ATE1: variants seen among roughly 807,000 people sequenced by gnomAD.
ATE1 encodes the protein arginyltransferase 1.
A neutral mutation model predicts 70.5 loss-of-function variants in ATE1; 36 were observed. The ratio of observed to expected loss-of-function variants is 0.51; its 90% CI spans 0.39 to 0.67. The LOEUF (loss-of-function observed/expected upper bound fraction) is 0.67. ATE1 is among the 30% of genes least tolerant of loss of function. The probability of loss-of-function intolerance (pLI) is 0.00; values close to 1 mark genes in which losing one functional copy is unlikely to be tolerated. For missense variants in ATE1, 593 were observed against 629.5 expected (o/e 0.94, Z 0.62); for synonymous variants, 232 against 219.3 (o/e 1.06, Z -0.51).
chr10:121,870,002 T>C lies in ATE1; in HGVS notation c.975+4A>G. ...TAATATTAAGGTCAGTGAGTAACTC[T>C]TACCTCCAAGGGTGAACTGCAAAGG... On this transcript the variant is annotated splice_donor_region_variant and intron_variant, in intron 8 of 11. Coordinates refer to ENST00000224652, the MANE Select transcript of ATE1 (RefSeq NM_001001976.3). The C allele has an allele frequency of 1.2e-6, 2 of 1,606,854 alleles. No individual in the cohort carries two copies. Among genetic ancestry groups the C allele is most frequent in the Non-Finnish European group, 1.7e-6 (2 of 1,173,920 alleles).
chr10:121,927,803 G>C (rs899781892), intron 1 of ATE1, 41 bp downstream of exon 1: 11 of 1,525,634 alleles, frequency 7.2e-6, no homozygotes, highest in Non-Finnish European at 9.7e-6. Flanking sequence ...CCCGAGACCC[G>C]GGCGCCCGGC....
chr10:121,746,214 A>G (rs1424120181), intron 11 of ATE1, among the ~76,000 whole-genome samples: 1 of 152,136 alleles, frequency 6.6e-6, no homozygotes, highest in East Asian at 1.9e-4. Flanking sequence ...CCTGACACAT[A>G]TATTTACTGC....
chr10:121,844,562 C>T (rs1948746408), intron 8 of ATE1, among the ~76,000 whole-genome samples: 1 of 152,118 alleles, frequency 6.6e-6, no homozygotes, highest in East Asian at 1.9e-4. Context: ...TAAAAAAGAG[C>T]AATCACATTC....
At chr10:121,880,666 T>C (rs1410078117) in intron 7 of ATE1, among the ~76,000 whole-genome samples, 1 of 151,844 alleles carries the variant, frequency 6.6e-6, no homozygotes, top group East Asian at 1.9e-4. Context: ...TCTGGATAAA[T>C]AACCATATGT....
chr10:121,856,102 G>C (rs1053960227), intron 8 of ATE1, among the ~76,000 whole-genome samples: 3 of 148,278 alleles, frequency 2.0e-5, no homozygotes, highest in Admixed American at 1.3e-4. Context: ...AAGAATCCAG[G>C]TATATATAAC....
intron 7 of ATE1, among the ~76,000 whole-genome samples, chr10:121,877,042 T>C (rs972635167): frequency 6.6e-6 from 1 of 151,438 alleles, no homozygotes; most frequent in Non-Finnish European, 1.5e-5. Flanking sequence ...AGAGTTCATA[T>C]AAAATCACAA....
At chr10:121,852,825 A>G (rs1163223838) in intron 8 of ATE1, among the ~76,000 whole-genome samples, 1 of 152,216 alleles carries the variant, frequency 6.6e-6, no homozygotes, top group Non-Finnish European at 1.5e-5. Context: ...ACAGTTAAGA[A>G]ATGAAAAAGT....
At chr10:121,781,436 CA>C (rs1945984412) in intron 11 of ATE1, among the ~76,000 whole-genome samples, 2 of 152,194 alleles carry the variant, frequency 1.3e-5, no homozygotes, top group South Asian at 4.1e-4. Flanking sequence ...AAATGGAAGC[CA>C]GCAGATAAGT....
chr10:121,848,337 C>T (rs1033007979), intron 8 of ATE1, among the ~76,000 whole-genome samples: 1 of 151,906 alleles, frequency 6.6e-6, no homozygotes, highest in African/African-American at 2.4e-5. Flanking sequence ...TATTTATCGG[C>T]TGGGTGTGGT....
At chr10:121,922,255 C>T (rs985217843) in intron 3 of ATE1, 94 bp downstream of exon 3, 14 of 832,176 alleles carry the variant, frequency 1.7e-5, no homozygotes, top group East Asian at 2.7e-5. Flanking sequence ...CTACCTAGAG[C>T]GGAAATAAAC....
At chr10:121,860,665 T>C (rs1449962198) in intron 8 of ATE1, among the ~76,000 whole-genome samples, 2 of 152,364 alleles carry the variant, frequency 1.3e-5, no homozygotes, top group South Asian at 2.1e-4. Context: ...GCATTTTTAC[T>C]GCAGAACAAA....
intron 10 of ATE1, among the ~76,000 whole-genome samples, chr10:121,822,644 C>A (rs1023571611): frequency 6.6e-6 from 1 of 152,342 alleles, no homozygotes; most frequent in South Asian, 2.1e-4. Flanking sequence ...CCTAACTCCA[C>A]AGTTTTGATT....
intron 11 of ATE1, among the ~76,000 whole-genome samples, chr10:121,785,666 G>C (rs1946175158): frequency 6.6e-6 from 1 of 152,074 alleles, no homozygotes; most frequent in African/African-American, 2.4e-5. Context: ...GAGTTTCTGG[G>C]GCTCACACTA....
chr10:121,862,022 A>C (rs1014028535), intron 8 of ATE1, among the ~76,000 whole-genome samples: 2 of 152,146 alleles, frequency 1.3e-5, no homozygotes, highest in Non-Finnish European at 2.9e-5. Context: ...GGCTCTTTAA[A>C]CACAGCTGAG....
rs991381311 is a variant in ATE1, at chr10:121,833,153, C to A, written c.1257+3565G>T. ...ACTGTTACACATTCCTGTGTCACCA[C>A]CTCCCTTTGCTATCAGAGTATTTAT... On this transcript the variant is annotated intron_variant, in intron 10 of 11. Coordinates refer to ENST00000224652, the MANE Select transcript of ATE1 (RefSeq NM_001001976.3). 2.0e-5 allele frequency among the ~76,000 whole-genome samples: 3 copies of A among 152,284 alleles called. No homozygotes were observed. In the South Asian group the frequency reaches 6.2e-4, roughly 32 times the overall value.
At chr10:121,902,689 A>AGATTCTACAGTGTAAGTCCAAAGAGTTTC (rs1951029318) in intron 5 of ATE1, 69 bp from the exon 6 acceptor site, 18 of 1,425,010 alleles carry the variant, frequency 1.3e-5, no homozygotes, top group Non-Finnish European at 1.7e-5. Context: ...CATGTCTCAA[A>AGATTCTACAGTGTAAGTCCAAAGAGTTTC]GATTCTACAG....
At chr10:121,906,880 G>A (rs532462198) in intron 5 of ATE1, among the ~76,000 whole-genome samples, 44 of 152,240 alleles carry the variant, frequency 2.9e-4, no homozygotes, top group African/African-American at 1.1e-3. Flanking sequence ...TTACAGGTGT[G>A]AGCCACTGAG....
At chr10:121,899,816 T>C (rs1284019333) in intron 7 of ATE1, 50 bp downstream of exon 7, 1 of 1,578,150 alleles carries the variant, frequency 6.3e-7, no homozygotes, top group Admixed American at 1.9e-5. Context: ...TGATATTAAG[T>C]GGAAGGGAAA....
At chr10:121,884,105 CAAAAAAAAAAAAAA>C (rs56040116) in intron 7 of ATE1, among the ~76,000 whole-genome samples, 9 of 43,428 alleles carry the variant, frequency 2.1e-4, no homozygotes, top group South Asian at 1.8e-3. Flanking sequence ...GACCCAGACT[CAAAAAAAAAAAAAA>C]AAAAAAAAAA....
Sources: allele counts gnomAD v4.1 joint callset (sites outside exome capture counted in the v4.1 genomes callset), GRCh38; gene constraint gnomAD v4.1.1; transcripts MANE v1.5; gene names NCBI Gene and HGNC (gene_info 2026-07-23, HGNC 2026-07-21).